The following TET1 variants were observed in gnomAD, a reference collection of about 807,000 sequenced individuals.
The protein encoded by TET1 is tet methylcytosine dioxygenase 1.
In TET1, 13 loss-of-function variants were observed where a neutral mutation model predicts 148.7. The observed-to-expected ratio is 0.09, with a 90% CI of 0.06 to 0.14. The LOEUF (loss-of-function observed/expected upper bound fraction) is 0.14, where lower values mean the gene tolerates loss of function less well. Ranked by LOEUF, TET1 falls within the 10% of genes least tolerant of loss-of-function variation. The pLI, the probability that TET1 is intolerant of heterozygous loss-of-function variation, is 1.00. For missense variants in TET1, 2,182 were observed against 2,553.8 expected (o/e 0.85, Z 3.14); for synonymous variants, 907 against 937.2 (o/e 0.97, Z 0.59).
chr10:68,595,784 A>G (rs2132854063), intron 2 of TET1, among the ~76,000 whole-genome samples: 1 of 146,994 alleles, frequency 6.8e-6, no homozygotes, highest in South Asian at 2.2e-4. Context: ...GGTCTGGCTA[A>G]TTTTTGTATA....
intron 3 of TET1, among the ~76,000 whole-genome samples, chr10:68,612,599 C>T (rs1352238906): frequency 6.6e-6 from 1 of 151,892 alleles, no homozygotes; most frequent in Non-Finnish European, 1.5e-5. Flanking sequence ...ATTTATTATT[C>T]TATATGTATG....
chr10:68,602,760 C>T (rs528059789), intron 3 of TET1, among the ~76,000 whole-genome samples: 19 of 152,260 alleles, frequency 1.2e-4, no homozygotes, highest in African/African-American at 4.3e-4. Context: ...TTGTTGCTCA[C>T]GTTCCTCTAT....
intron 3 of TET1, among the ~76,000 whole-genome samples, chr10:68,642,362 A>G (rs1354209818): frequency 1.3e-5 from 2 of 152,122 alleles, no homozygotes; most frequent in Admixed American, 1.3e-4. Flanking sequence ...TGAACCTGGG[A>G]GTTCGAGGCT....
chr10:68,683,060 C>A, intron 10 of TET1, 87 bp downstream of exon 10: 1 of 1,441,774 alleles, frequency 6.9e-7, no homozygotes, highest in Non-Finnish European at 9.4e-7. Flanking sequence ...ATGACTATTA[C>A]TGTGAAAAAT....
At chr10:68,661,246 C>T (rs1338105533) in intron 6 of TET1, among the ~76,000 whole-genome samples, 1 of 109,540 alleles carries the variant, frequency 9.1e-6, no homozygotes, top group Non-Finnish European at 1.8e-5. Flanking sequence ...GACGGGGTTT[C>T]ACCATGTTAG....
chr10:68,669,211 C>T (rs2055234703), intron 7 of TET1, among the ~76,000 whole-genome samples: 1 of 151,040 alleles, frequency 6.6e-6, no homozygotes, highest in African/African-American at 2.4e-5. Flanking sequence ...TGCCAGTGCA[C>T]TTGACAGAGC....
At chr10:68,622,191 TTCCTTC>T (rs2054382357) in intron 3 of TET1, among the ~76,000 whole-genome samples, 1 of 114,778 alleles carries the variant, frequency 8.7e-6, no homozygotes, top group Non-Finnish European at 1.8e-5. Context: ...CCTTCCTTCC[TTCCTTC>T]CTTCCTTCCT....
At chr10:68,647,099 T>C (rs147807909) in intron 4 of TET1, 94 bp downstream of exon 4, 1 of 1,257,510 alleles carries the variant, frequency 8.0e-7, no homozygotes, top group Non-Finnish European at 1.1e-6. Flanking sequence ...TTGTGTGATA[T>C]TTTTTCCCCA....
chr10:68,636,367 T>A (rs573094526), intron 3 of TET1, among the ~76,000 whole-genome samples: 1 of 152,304 alleles, frequency 6.6e-6, no homozygotes, highest in South Asian at 2.1e-4. Context: ...CCAGCCCTGA[T>A]TTGAAAGGAT....
At chr10:68,588,763 T>G (rs2053887057) in intron 2 of TET1, among the ~76,000 whole-genome samples, 1 of 152,118 alleles carries the variant, frequency 6.6e-6, no homozygotes, top group African/African-American at 2.4e-5. Context: ...TTCCTTTAAC[T>G]GTGTTTAACT....
chr10:68,624,684 C>CTT (rs1564975219), intron 3 of TET1, among the ~76,000 whole-genome samples: 7 of 127,494 alleles, frequency 5.5e-5, no homozygotes, highest in African/African-American at 2.1e-4. Flanking sequence ...CTCTCTCTCT[C>CTT]TCTCTCTCTC....
At chr10:68,614,721 G>A (rs1194158506) in intron 3 of TET1, among the ~76,000 whole-genome samples, 1 of 152,064 alleles carries the variant, frequency 6.6e-6, no homozygotes, top group African/African-American at 2.4e-5. Context: ...AGTCTCTTGA[G>A]TAGCTGGGAT....
chr10:68,688,009 A>G (rs992413835), intron 11 of TET1, among the ~76,000 whole-genome samples: 1 of 151,996 alleles, frequency 6.6e-6, no homozygotes, highest in Non-Finnish European at 1.5e-5. Flanking sequence ...ATCATAGCAC[A>G]CTGCTGCCTC....
intron 6 of TET1, among the ~76,000 whole-genome samples, chr10:68,656,993 T>C (rs113992325): frequency 1.4e-5 from 2 of 146,366 alleles, no homozygotes; most frequent in Non-Finnish European, 3.0e-5. Context: ...GCCACGGCAC[T>C]CCAGCCTGTG....
chr10:68,585,882 C>T (rs1382656857), intron 2 of TET1, among the ~76,000 whole-genome samples: 3 of 151,808 alleles, frequency 2.0e-5, no homozygotes, highest in East Asian at 3.9e-4. Context: ...GTGGTGTGCG[C>T]CTGTAGTCCC....
Position 68,646,944 on chromosome 10 carries a change from C to A in TET1, c.4215C>A (p.Asn1405Lys), listed in dbSNP as rs148470211. 2 of 1,613,964 alleles carry A rather than the reference C, an allele frequency of 1.2e-6. No individual in the cohort carries two copies. Among genetic ancestry groups the A allele is most frequent in the Non-Finnish European group, 1.7e-6 (2 of 1,180,008 alleles). Residue 1405 changes from asparagine (N) to lysine (K), a missense_variant, in exon 4 of 12, where the codon AAC (asparagine) becomes AAA (lysine). By Grantham distance (94) the Asn-to-Lys change is moderately conservative. Transcript: ENST00000373644. ...ATTATGCCATGAACTTCTTTACTAACCCTACAAAAAACCTAGTGTCTATAA... is the reference window on the plus strand; with the variant it reads ...ATTATGCCATGAACTTCTTTACTAAACCTACAAAAAACCTAGTGTCTATAA... ...FNDYAMNFFTNPTKNLVSITK... is the reference protein window; with the variant it reads ...FNDYAMNFFTKPTKNLVSITK...
At chr10:68,627,801 T>C (rs1191446297) in intron 3 of TET1, among the ~76,000 whole-genome samples, 2 of 151,406 alleles carry the variant, frequency 1.3e-5, no homozygotes, top group Non-Finnish European at 2.9e-5. Flanking sequence ...CCAGGCGTGA[T>C]GGCAGGTGCC....
At chr10:68,634,848 G>A (rs966127511) in intron 3 of TET1, among the ~76,000 whole-genome samples, 14 of 151,940 alleles carry the variant, frequency 9.2e-5, no homozygotes, top group African/African-American at 2.9e-4. Flanking sequence ...TGCATCCTCC[G>A]CCTCCCAGGT....
At chr10:68,639,466 C>CTAT (rs76248128) in intron 3 of TET1, among the ~76,000 whole-genome samples, 58,071 of 112,582 alleles carry the variant, frequency 0.52, 11,751 homozygotes, top group East Asian at 0.6. Context: ...ACTACTACTA[C>CTAT]TATTATTATT....
Sources: allele counts gnomAD v4.1 joint callset (sites outside exome capture counted in the v4.1 genomes callset), GRCh38; gene constraint gnomAD v4.1.1; transcripts MANE v1.5; gene names NCBI Gene and HGNC (gene_info 2026-07-23, HGNC 2026-07-21).